The following SYT16 variants were observed in gnomAD, a reference collection of about 807,000 sequenced individuals.
The protein encoded by SYT16 is synaptotagmin 16.
Under a neutral mutation model 61.4 loss-of-function variants are expected in SYT16, and 42 were observed. The observed-to-expected ratio is 0.68, with a 90% CI of 0.53 to 0.89. SYT16 has a LOEUF of 0.89. Among genes scored for constraint, SYT16 ranks in the 40% least tolerant of loss-of-function variants. SYT16 has a pLI of 0.00. For missense variants in SYT16, 804 were observed against 807.3 expected (o/e 1.00, Z 0.05); for synonymous variants, 314 against 302.3 (o/e 1.04, Z -0.40).
chr14:61,918,299 G>A (rs534057180), intron 1 of SYT16, among the ~76,000 whole-genome samples: 1 of 152,166 alleles, frequency 6.6e-6, no homozygotes, highest in South Asian at 2.1e-4. Flanking sequence ...TAATCATATG[G>A]GCGGAAATAT....
intron 1 of SYT16, among the ~76,000 whole-genome samples, chr14:61,912,497 G>C (rs188642330): frequency 3.2e-4 from 48 of 152,300 alleles, no homozygotes; most frequent in African/African-American, 9.4e-4. Flanking sequence ...TATGTTTGCT[G>C]TCTAGCAAAG....
rs1273791823 is a variant in SYT16 at position 61,813,905 on chromosome 14, T to A, written c.-325+1095T>A. On this transcript the variant is annotated intron_variant, in intron 1 of 7. Transcript: ENST00000683842. The stretch of plus-strand genomic sequence containing the variant: ...TTATTATTTTTCTTGTAAACAATCA[T>A]CCCAGCCAAGAACACAGCTTTAGGA... Among the ~76,000 whole-genome samples, 7 of 151,340 alleles carry A rather than the reference T, an allele frequency of 4.6e-5. No homozygotes were observed. In the East Asian group the frequency reaches 7.8e-4, roughly 17 times the overall value.
chr14:62,094,698 G>T (rs1194208718), intron 7 of SYT16, among the ~76,000 whole-genome samples: 1 of 151,916 alleles, frequency 6.6e-6, no homozygotes, highest in African/African-American at 2.4e-5. Flanking sequence ...AAATATTCTA[G>T]GTATGTTTGA....
intron 1 of SYT16, among the ~76,000 whole-genome samples, chr14:61,908,997 A>G (rs1415146266): frequency 2.6e-5 from 4 of 151,918 alleles, no homozygotes; most frequent in Non-Finnish European, 5.9e-5. Context: ...CAACTTTTTA[A>G]TTTTTTGTAG....
At chr14:61,823,350 G>T (rs1283326525) in intron 1 of SYT16, among the ~76,000 whole-genome samples, 1 of 151,924 alleles carries the variant, frequency 6.6e-6, no homozygotes, top group African/African-American at 2.4e-5. Flanking sequence ...GCCCAGCCTG[G>T]AATGCAGTGT....
At chr14:62,026,527 G>A (rs978948711) in intron 3 of SYT16, among the ~76,000 whole-genome samples, 1 of 152,166 alleles carries the variant, frequency 6.6e-6, no homozygotes, top group African/African-American at 2.4e-5. Context: ...ATTCAGGAAG[G>A]AGGAGCCCTC....
chr14:62,046,071 G>T (rs1436463339), intron 3 of SYT16, among the ~76,000 whole-genome samples: 8 of 152,192 alleles, frequency 5.3e-5, no homozygotes, highest in Non-Finnish European at 8.8e-5. Context: ...CCCACCAACA[G>T]TGTAAAAGTG....
At position 62,081,140 on chromosome 14, in the gene SYT16, C is replaced by T. The variant is rs757964384; in HGVS notation, c.1300C>T (p.Arg434Cys). 10 of 1,613,878 alleles carry T rather than the reference C, an allele frequency of 6.2e-6. No individual in the cohort carries two copies. The highest frequency in any genetic ancestry group is 4.4e-5 in the South Asian group (4 of 91,046). Residue 434 changes from arginine to cysteine, a missense_variant, in exon 6 of 8, where the codon CGC (arginine) becomes TGC (cysteine). Transcript: ENST00000683842. ...CAGAGATGTGGCTGCCTGTGCTGTC[C>T]GCTTCCGCCTGTACGCTGCCCGGAA... The part of the protein sequence containing the change: ...EPRDVAACAV[R>C]FRLYAARKMT...
intron 1 of SYT16, among the ~76,000 whole-genome samples, chr14:61,885,094 A>G (rs1290807815): frequency 1.3e-5 from 2 of 152,210 alleles, no homozygotes; most frequent in African/African-American, 2.4e-5. Context: ...TGCTTCAGAA[A>G]GTATCATCAC....
intron 1 of SYT16, among the ~76,000 whole-genome samples, chr14:61,936,820 G>A (rs1487063320): frequency 6.6e-6 from 1 of 152,122 alleles, no homozygotes; most frequent in Non-Finnish European, 1.5e-5. Context: ...TCACCCTCAG[G>A]CTGCTGGGCC....
At chr14:62,083,325 T>G (rs2056772707) in intron 6 of SYT16, among the ~76,000 whole-genome samples, 1 of 152,194 alleles carries the variant, frequency 6.6e-6, no homozygotes. Flanking sequence ...CTAATGCCCT[T>G]GTTTCTGGTG....
At chr14:62,002,136 T>A (rs1244216790) in intron 3 of SYT16, among the ~76,000 whole-genome samples, 2 of 152,146 alleles carry the variant, frequency 1.3e-5, no homozygotes, top group Non-Finnish European at 2.9e-5. Context: ...TCTTGTAATT[T>A]ATGACTGAAA....
At chr14:61,963,603 C>T (rs1168735841) in intron 1 of SYT16, among the ~76,000 whole-genome samples, 1 of 152,120 alleles carries the variant, frequency 6.6e-6, no homozygotes, top group African/African-American at 2.4e-5. Flanking sequence ...AAAAGCCATC[C>T]CCATTACATG....
At chr14:61,988,806 G>A (rs2052426477) in intron 2 of SYT16, among the ~76,000 whole-genome samples, 1 of 152,108 alleles carries the variant, frequency 6.6e-6, no homozygotes, top group South Asian at 2.1e-4. Context: ...AACTGGATTT[G>A]AACCCCACAC....
At chr14:61,916,621 GA>G (rs1479667990) in intron 1 of SYT16, among the ~76,000 whole-genome samples, 1 of 152,020 alleles carries the variant, frequency 6.6e-6, no homozygotes, top group East Asian at 1.9e-4. Flanking sequence ...TAGCTATTTT[GA>G]AATGTGCAAT....
intron 1 of SYT16, among the ~76,000 whole-genome samples, chr14:61,930,447 C>A (rs772763217): frequency 2.0e-5 from 3 of 152,026 alleles, no homozygotes; most frequent in South Asian, 2.1e-4. Context: ...ATCTGACCAC[C>A]ACCAAATCCT....
chr14:62,104,516 A>G lies in SYT16; in HGVS notation c.*3809A>G, dbSNP rs2057480053. On this transcript the variant is annotated 3_prime_UTR_variant, in exon 8 of 8. Coordinates refer to ENST00000683842, the MANE Select transcript of SYT16 (RefSeq NM_001367656.1). ...AGCACACCTATGGAAGAATTAAAGA[A>G]TACATAAATGTGCTGGATACATTTA... 1 of 152,254 alleles carries G rather than the reference A, an allele frequency of 6.6e-6. No individual in the cohort carries two copies. The highest frequency in any genetic ancestry group is 1.5e-5 in the Non-Finnish European group (1 of 68,040). 9.4% of individuals were successfully genotyped at this position (152,254 alleles called of 1,614,324 possible).
At chr14:61,965,532 C>G (rs1269081799) in intron 1 of SYT16, among the ~76,000 whole-genome samples, 1 of 152,134 alleles carries the variant, frequency 6.6e-6, no homozygotes, top group Non-Finnish European at 1.5e-5. Flanking sequence ...TCCCTCACCC[C>G]TGCCCCAACC....
chr14:62,077,034 C>T (rs1002501939), intron 5 of SYT16, among the ~76,000 whole-genome samples: 15 of 152,320 alleles, frequency 9.8e-5, no homozygotes, highest in African/African-American at 3.1e-4. Context: ...TCAAATCCAA[C>T]TCGGAGGCAG....
Sources: gnomAD v4.1 joint callset for allele counts (sites outside exome capture counted in the v4.1 genomes callset) on GRCh38, gnomAD v4.1.1 for gene constraint, MANE v1.5 for transcripts, NCBI Gene and HGNC (gene_info 2026-07-23, HGNC 2026-07-21) for gene names.